The following ABCD4 variants were observed in gnomAD, a reference collection of about 807,000 sequenced individuals.
ABCD4 encodes ATP binding cassette subfamily D member 4, also known as lysosomal cobalamin transporter ABCD4.
A neutral mutation model predicts 86.3 loss-of-function variants in ABCD4; 53 were observed. The ratio of observed to expected loss-of-function variants is 0.61; its 90% CI spans 0.49 to 0.77. The LOEUF is 0.77. Ranked by LOEUF, ABCD4 falls within the 30% of genes least tolerant of loss-of-function variation. The pLI, the probability that ABCD4 is intolerant of heterozygous loss-of-function variation, is 0.00. For synonymous variants in ABCD4, 328 were observed against 313.6 expected, an observed-to-expected ratio of 1.05 and a Z score of -0.49; for missense variants, 757 against 764.5, an observed-to-expected ratio of 0.99 and a Z score of 0.12.
In ABCD4 at chr14:74,299,727, G is replaced by A. The variant is rs1415485336; in HGVS notation, c.158-52C>T. The A allele has an allele frequency of 3.2e-6, 5 of 1,561,660 alleles. No homozygotes were observed. In the Admixed American group the frequency reaches 7.5e-5, roughly 23 times the overall value. ...TCAGTGATGAGGGGTTAAAAAGAAG[G>A]GAGGCTTCTTCCTGAGTCCCTGCCT... is the stretch of plus-strand genomic sequence containing the variant. On this transcript the variant is annotated intron_variant, in intron 2 of 18. Coordinates refer to ENST00000356924, the MANE Select transcript of ABCD4 (RefSeq NM_005050.4).
rs139787810 is a variant in ABCD4, at chr14:74,289,761, G to A, written c.1420-242C>T. 17 of 1,434,586 alleles carry A rather than the reference G, an allele frequency of 1.2e-5. No individual in the cohort carries two copies. The East Asian group carries it at 1.3e-4, about 11-fold the overall frequency. 88.9% of individuals were successfully genotyped at this position (1,434,586 alleles called of 1,614,324 possible). On this transcript the variant is annotated intron_variant, in intron 13 of 18. Coordinates refer to ENST00000356924, the MANE Select transcript of ABCD4 (RefSeq NM_005050.4). Reference sequence around the variant, plus strand: ...CCTGAGGGCAGGGGCCCCAGAATCCGACCTTGGGTGTTTGACATACGCGTG... The same window carrying A: ...CCTGAGGGCAGGGGCCCCAGAATCCAACCTTGGGTGTTTGACATACGCGTG...
intron 7 of ABCD4, 193 bp from the exon 8 acceptor site, chr14:74,293,441 A>T (rs1325912071): frequency 1.9e-6 from 1 of 531,898 alleles, no homozygotes; most frequent in Non-Finnish European, 3.3e-6. Context: ...TGAAGAACAT[A>T]AACTCTAGAG....
chr14:74,286,301 C>T lies in ABCD4; in HGVS notation c.*160G>A. 1.4e-6 allele frequency: 1 copy of T among 697,434 alleles called. No individual in the cohort carries two copies. The highest frequency in any genetic ancestry group is 1.8e-5 in the South Asian group (1 of 55,910). The allele number at this position is 697,434 out of a possible 1,614,324, so 43.2% of individuals were successfully genotyped here. ...TCCCCCACAGAAACCTAGACCTGGG[C>T]TCAGCCCACCACTGCTAGGGGTCCT... On this transcript the variant is annotated 3_prime_UTR_variant, in exon 19 of 19. Coordinates refer to ENST00000356924, the MANE Select transcript of ABCD4 (RefSeq NM_005050.4).
intron 14 of ABCD4, 87 bp from the exon 15 acceptor site, chr14:74,288,852 G>A (rs1023456626): frequency 1.0e-5 from 15 of 1,506,944 alleles, no homozygotes; most frequent in Admixed American, 6.0e-5. Context: ...AGTGGCTCAC[G>A]CCTGTAATCC....
intron 14 of ABCD4, 84 bp from the exon 15 acceptor site, chr14:74,288,849 C>T: frequency 6.6e-7 from 1 of 1,525,494 alleles, no homozygotes; most frequent in East Asian, 2.4e-5. Flanking sequence ...CACAGTGGCT[C>T]ACGCCTGTAA....
chr14:74,292,494 C>A, intron 10 of ABCD4, 57 bp downstream of exon 10: 1 of 1,601,568 alleles, frequency 6.2e-7, no homozygotes, highest in Non-Finnish European at 8.5e-7. Context: ...CACTCAGCCA[C>A]TTCTGCCAGC....
chr14:74,299,471 A>T, intron 3 of ABCD4, 77 bp downstream of exon 3: 1 of 1,561,008 alleles, frequency 6.4e-7, no homozygotes, highest in Non-Finnish European at 8.7e-7. Context: ...TGCTTCCTGG[A>T]GGCTAAGTTC....
rs1380233784 is a variant in ABCD4 at position 74,300,419 on chromosome 14, G to C, written c.39-151C>G. 1.0e-5 allele frequency: 6 copies of C among 588,940 alleles called. No homozygotes were observed. The Admixed American group carries it at 1.3e-4, about 13-fold the overall frequency. The allele number at this position is 588,940 out of a possible 1,614,324, so 36.5% of individuals were successfully genotyped here. ...TGCTGAAGATGGTAGGCTGGGAACA[G>C]ACCACGGATACAAAGGAAATTCTTT... On this transcript the variant is annotated intron_variant, in intron 1 of 18. Transcript: ENST00000356924.
At position 74,300,913 on chromosome 14, in the gene ABCD4, C is replaced by T. The variant is rs138002596; in HGVS notation, c.39-645G>A. 2.0e-4 allele frequency among the ~76,000 whole-genome samples: 30 copies of T among 147,728 alleles called. 2 individuals carry two copies. The highest frequency in any genetic ancestry group is 7.2e-4 in the African/African-American group (29 of 40,048). On this transcript the variant is annotated intron_variant, in intron 1 of 18. Coordinates refer to ENST00000356924, the MANE Select transcript of ABCD4 (RefSeq NM_005050.4). ...CGTTGCCCAGGCTGGAATGCAACGG[C>T]GCAATCTCGGATCACTGCAACCTCC...
intron 2 of ABCD4, 91 bp from the exon 3 acceptor site, chr14:74,299,766 A>C: frequency 2.2e-6 from 3 of 1,335,696 alleles, no homozygotes; most frequent in South Asian, 1.3e-5. Flanking sequence ...CAGCACCCCA[A>C]AGAGATGAAA....
chr14:74,288,949 T>C, intron 14 of ABCD4, 184 bp from the exon 15 acceptor site: 1 of 923,720 alleles, frequency 1.1e-6, no homozygotes, highest in African/African-American at 1.7e-5. Flanking sequence ...CTGTCTCTAC[T>C]AAATATACAA....
intron 12 of ABCD4, 26 bp downstream of exon 12, chr14:74,290,253 CCAGGCTGGGTCA>C (rs2081118080): frequency 6.2e-7 from 1 of 1,613,038 alleles, no homozygotes; most frequent in African/African-American, 1.3e-5. Context: ...CCCCTAGGGC[CCAGGCTGGGTCA>C]GAGGCAGGGA....
At position 74,299,590 on chromosome 14, in the gene ABCD4, A is replaced by G; in HGVS notation, c.243T>C (p.Thr81=). The change falls in exon 3 of 19, where the codon ACT becomes ACC. Residue 81 remains threonine, a synonymous_variant. Transcript: ENST00000356924. ...LGNKDLEGFK[T]LTFLAVMLIV... Reference sequence around the variant, plus strand: ...TGAGCATGACAGCCAGGAATGTCAGAGTCTTAAACCCTTCCAAGTCTTTGT... The same window carrying G: ...TGAGCATGACAGCCAGGAATGTCAGGGTCTTAAACCCTTCCAAGTCTTTGT... 1 of 1,613,980 alleles carries G rather than the reference A, an allele frequency of 6.2e-7. No homozygotes were observed. Among genetic ancestry groups the G allele is most frequent in the Non-Finnish European group, 8.5e-7 (1 of 1,179,902 alleles).
intron 11 of ABCD4, among the ~76,000 whole-genome samples, chr14:74,291,901 A>T (rs907041764): frequency 3.9e-5 from 6 of 152,186 alleles, no homozygotes; most frequent in Non-Finnish European, 4.4e-5. Context: ...GAAATATTAC[A>T]GATCCACGCA....
At chr14:74,288,544 C>CCTT in intron 15 of ABCD4, 172 bp downstream of exon 15, 2 of 736,558 alleles carry the variant, frequency 2.7e-6, no homozygotes, top group South Asian at 3.5e-5. Context: ...AGCACTACCC[C>CCTT]CTTCGTGCCT....
intron 3 of ABCD4, chr14:74,299,322 T>C: frequency 2.0e-6 from 1 of 489,724 alleles, no homozygotes; most frequent in Non-Finnish European, 3.7e-6. Context: ...AACCAGAACC[T>C]GTGGCCTGGG....
At chr14:74,293,127 C>A in intron 8 of ABCD4, 27 bp downstream of exon 8, 2 of 1,607,264 alleles carry the variant, frequency 1.2e-6, no homozygotes, top group South Asian at 2.2e-5. Context: ...CCCCATGGTT[C>A]CCACTTCCCT....
chr14:74,287,704 G>A, intron 17 of ABCD4, 106 bp downstream of exon 17: 1 of 1,088,614 alleles, frequency 9.2e-7, no homozygotes, highest in Non-Finnish European at 1.4e-6. Context: ...GGAATGCGGA[G>A]AAGCCCAGCC....
intron 14 of ABCD4, chr14:74,288,994 C>T: frequency 3.3e-6 from 3 of 918,896 alleles, no homozygotes; most frequent in Admixed American, 3.2e-5. Flanking sequence ...CACCTGTAGC[C>T]CCAGCTACGG....
Sources: allele counts gnomAD v4.1 joint callset (sites outside exome capture counted in the v4.1 genomes callset), GRCh38; gene constraint gnomAD v4.1.1; transcripts MANE v1.5; gene names NCBI Gene and HGNC (gene_info 2026-07-23, HGNC 2026-07-21).